Variants in NTRK2 observed in about 807,000 individuals in gnomAD.
NTRK2 encodes neurotrophic receptor tyrosine kinase 2, also known as BDNF/NT-3 growth factors receptor.
In NTRK2, 13 loss-of-function variants were observed where a neutral mutation model predicts 94.5. The ratio of observed to expected loss-of-function variants is 0.14; its 90% CI spans 0.09 to 0.22. The LOEUF (loss-of-function observed/expected upper bound fraction) is 0.22, where lower values mean the gene tolerates loss of function less well. Among genes scored for constraint, NTRK2 ranks in the 10% least tolerant of loss-of-function variants. The pLI is 1.00. For missense variants in NTRK2, 639 were observed against 1,071.2 expected (o/e 0.60, Z 5.63); for synonymous variants, 372 against 407.4 (o/e 0.91, Z 1.05).
intron 2 of NTRK2, among the ~76,000 whole-genome samples, chr9:84,676,394 C>T (rs963552395): frequency 3.3e-5 from 5 of 152,212 alleles, no homozygotes; most frequent in African/African-American, 1.2e-4. Context: ...CTGCTCTGAA[C>T]TCCCTCAAAC....
intron 2 of NTRK2, among the ~76,000 whole-genome samples, chr9:84,692,468 C>CTTTTT (rs71369138): frequency 1.0e-4 from 9 of 87,676 alleles, no homozygotes; most frequent in Non-Finnish European, 1.7e-4. Flanking sequence ...TTCTTTTTTT[C>CTTTTT]TTTTTTTTTT....
chr9:84,970,208 T>A (rs188152091), intron 17 of NTRK2, among the ~76,000 whole-genome samples: 6 of 151,784 alleles, frequency 4.0e-5, no homozygotes, highest in African/African-American at 1.4e-4. Context: ...ACCAGCCTGG[T>A]CAACATGGCA....
chr9:84,730,780 T>TAAAAAAAAAAAAAAAAAAAAAAAAAAAA (rs2062815611), intron 9 of NTRK2, among the ~76,000 whole-genome samples: 1 of 5,854 alleles, frequency 1.7e-4, no homozygotes, highest in Non-Finnish European at 2.8e-4. Flanking sequence ...AATAAACAAA[T>TAAAAAAAAAAAAAAAAAAAAAAAAAAAA]AGCAAAAAAA....
intron 12 of NTRK2, chr9:84,810,846 T>C: frequency 7.6e-7 from 1 of 1,311,266 alleles, no homozygotes; most frequent in Non-Finnish European, 9.7e-7. Flanking sequence ...ATGCTTCTCT[T>C]CTTACAGTAG....
intron 2 of NTRK2, among the ~76,000 whole-genome samples, chr9:84,684,002 G>A (rs2059554115): frequency 6.6e-6 from 1 of 151,948 alleles, no homozygotes; most frequent in African/African-American, 2.4e-5. Context: ...GTCTTGTTTT[G>A]AGAAATATCT....
chr9:85,013,236 C>T (rs1295337348), intron 17 of NTRK2, among the ~76,000 whole-genome samples: 1 of 152,176 alleles, frequency 6.6e-6, no homozygotes, highest in Non-Finnish European at 1.5e-5. Context: ...TTCTCATTTT[C>T]CTGGACGTGG....
chr9:84,717,868 C>T (rs1156865052), intron 6 of NTRK2, among the ~76,000 whole-genome samples: 1 of 152,126 alleles, frequency 6.6e-6, no homozygotes, highest in Non-Finnish European at 1.5e-5. Context: ...TGATTATGTA[C>T]TCAAATCTGC....
chr9:84,989,270 T>C (rs1339845250), intron 17 of NTRK2, among the ~76,000 whole-genome samples: 1 of 152,216 alleles, frequency 6.6e-6, no homozygotes, highest in Non-Finnish European at 1.5e-5. Context: ...TATCTCTTTA[T>C]ATTCTCAGTT....
chr9:84,806,832 G>A (rs1300384013), intron 12 of NTRK2, among the ~76,000 whole-genome samples: 1 of 152,226 alleles, frequency 6.6e-6, no homozygotes, highest in Non-Finnish European at 1.5e-5. Flanking sequence ...TGAACCCACT[G>A]TATTCTAGAC....
At chr9:84,746,259 C>T (rs550302863) in intron 11 of NTRK2, among the ~76,000 whole-genome samples, 43 of 152,288 alleles carry the variant, frequency 2.8e-4, no homozygotes, top group Admixed American at 5.2e-4. Flanking sequence ...CAGAGTGTTA[C>T]TGGAACACAG....
chr9:84,759,365 T>G (rs930330609), intron 12 of NTRK2, among the ~76,000 whole-genome samples: 17 of 152,244 alleles, frequency 1.1e-4, no homozygotes, highest in Admixed American at 2.0e-4. Flanking sequence ...TTGGCTAGAG[T>G]AGCCCAGACA....
intron 2 of NTRK2, among the ~76,000 whole-genome samples, chr9:84,679,634 C>T (rs1214406165): frequency 6.6e-6 from 1 of 152,192 alleles, no homozygotes; most frequent in Non-Finnish European, 1.5e-5. Flanking sequence ...GGCTGTGACA[C>T]TCATGCATGC....
intron 14 of NTRK2, among the ~76,000 whole-genome samples, chr9:84,878,114 C>T (rs1031861272): frequency 6.6e-6 from 1 of 152,172 alleles, no homozygotes; most frequent in Non-Finnish European, 1.5e-5. Flanking sequence ...GCAAGAATGT[C>T]ACTTGCTTAA....
At chr9:85,006,817 C>T (rs1831019355) in intron 17 of NTRK2, among the ~76,000 whole-genome samples, 1 of 152,180 alleles carries the variant, frequency 6.6e-6, no homozygotes, top group South Asian at 2.1e-4. Flanking sequence ...ACATAGGTGT[C>T]CTTCTCTAAA....
At chr9:84,778,349 C>T (rs985584482) in intron 12 of NTRK2, among the ~76,000 whole-genome samples, 1 of 152,196 alleles carries the variant, frequency 6.6e-6, no homozygotes, top group African/African-American at 2.4e-5. Flanking sequence ...GCCACCAGCT[C>T]AGCTTATTTC....
intron 13 of NTRK2, among the ~76,000 whole-genome samples, chr9:84,866,230 T>C (rs971071687): frequency 6.6e-6 from 1 of 152,216 alleles, no homozygotes; most frequent in Non-Finnish European, 1.5e-5. Flanking sequence ...AATGTAGTCA[T>C]AGGACAGTCA....
At chr9:84,797,658 T>TTATATATACTATA (rs2069611736) in intron 12 of NTRK2, among the ~76,000 whole-genome samples, 1 of 37,982 alleles carries the variant, frequency 2.6e-5, no homozygotes, top group Non-Finnish European at 4.1e-5. Flanking sequence ...ATAATATATA[T>TTATATATACTATA]ATTATATATT....
chr9:84,990,349 CATT>C (rs1335600019), intron 17 of NTRK2, among the ~76,000 whole-genome samples: 4 of 152,158 alleles, frequency 2.6e-5, no homozygotes, highest in Admixed American at 2.0e-4. Flanking sequence ...GTGAATGTGA[CATT>C]GTTGTGTATC....
Position 84,727,640 on chromosome 9 carries a change from C to A in NTRK2, c.854-14C>A. On this transcript the variant is annotated splice_polypyrimidine_tract_variant and intron_variant, in intron 8 of 18. Coordinates refer to ENST00000277120, the MANE Select transcript of NTRK2 (RefSeq NM_006180.6). ...AGCTTTCTGATGCTATTAACTCTCT[C>A]TTTTTCAATTTAGTTGCACCAACTA... 6.2e-7 allele frequency: 1 copy of A among 1,611,664 alleles called. No individual in the cohort carries two copies. Among genetic ancestry groups the A allele is most frequent in the African/African-American group, 1.3e-5 (1 of 74,968 alleles).
Sources: allele counts gnomAD v4.1 joint callset (sites outside exome capture counted in the v4.1 genomes callset), GRCh38; gene constraint gnomAD v4.1.1; transcripts MANE v1.5; gene names NCBI Gene and HGNC (gene_info 2026-07-23, HGNC 2026-07-21).